The following DSG2 variants were observed in gnomAD, a reference collection of about 807,000 sequenced individuals.
DSG2 encodes desmoglein-2.
In DSG2, 45 loss-of-function variants were observed where a neutral mutation model predicts 75.6. The ratio of observed to expected loss-of-function variants is 0.60; its 90% CI spans 0.47 to 0.76. The LOEUF (loss-of-function observed/expected upper bound fraction) is 0.76, where lower values mean the gene tolerates loss of function less well. Ranked by LOEUF, DSG2 falls within the 30% of genes least tolerant of loss-of-function variation. The pLI is 0.00. For missense variants in DSG2, 1,267 were observed against 1,357.4 expected (o/e 0.93, Z 1.05); for synonymous variants, 429 against 483.9 (o/e 0.89, Z 1.49).
intron 12 of DSG2, among the ~76,000 whole-genome samples, chr18:31,539,940 A>G (rs917590620): frequency 1.3e-5 from 2 of 152,062 alleles, no homozygotes; most frequent in Admixed American, 1.3e-4. Context: ...TGAACTACTC[A>G]TGCCAAGAGA....
At chr18:31,533,871 A>G (rs2073212214) in intron 9 of DSG2, among the ~76,000 whole-genome samples, 2 of 152,246 alleles carry the variant, frequency 1.3e-5, no homozygotes, top group Non-Finnish European at 2.9e-5. Flanking sequence ...GCCACTTAAT[A>G]GAAAATAAAT....
chr18:31,529,340 T>A (rs896967811), intron 8 of DSG2, among the ~76,000 whole-genome samples: 1 of 152,198 alleles, frequency 6.6e-6, no homozygotes, highest in African/African-American at 2.4e-5. Flanking sequence ...TTATTTATTT[T>A]TTCATGGTCT....
At chr18:31,529,290 T>C (rs2073180682) in intron 8 of DSG2, among the ~76,000 whole-genome samples, 1 of 152,216 alleles carries the variant, frequency 6.6e-6, no homozygotes, top group Admixed American at 6.5e-5. Flanking sequence ...TGACTAACAC[T>C]ATGAAACACT....
intron 1 of DSG2, among the ~76,000 whole-genome samples, chr18:31,500,386 A>G (rs1350991778): frequency 1.3e-5 from 2 of 152,204 alleles, no homozygotes; most frequent in African/African-American, 4.8e-5. Flanking sequence ...TCAGGGTGCT[A>G]CTTTTGCTAC....
intron 8 of DSG2, 139 bp from the exon 9 acceptor site, chr18:31,530,848 A>T: frequency 1.3e-6 from 1 of 760,594 alleles, no homozygotes; most frequent in East Asian, 2.7e-5. Flanking sequence ...TCAGTATAAG[A>T]GTTGGACTAT....
intron 8 of DSG2, among the ~76,000 whole-genome samples, chr18:31,528,497 A>C (rs2073175862): frequency 6.6e-6 from 1 of 152,094 alleles, no homozygotes; most frequent in Non-Finnish European, 1.5e-5. Flanking sequence ...GGATCACCTG[A>C]GCTCAGGAGT....
At position 31,522,529 on chromosome 18, in the gene DSG2, C is replaced by A; in HGVS notation, c.690+280C>A. ...TTAATATGAAAAATGCAAAATATGA[C>A]CTTAATGTTTTTTGTGATCATTGCA... On this transcript the variant is annotated intron_variant, in intron 6 of 14. Coordinates refer to ENST00000261590, the MANE Select transcript of DSG2 (RefSeq NM_001943.5). The A allele has an allele frequency of 7.8e-6, 2 of 255,528 alleles. 1 individual carries two copies. The highest frequency in any genetic ancestry group is 1.5e-5 in the Non-Finnish European group (2 of 131,524). The allele number at this position is 255,528 out of a possible 1,614,324, so 15.8% of individuals were successfully genotyped here. A position where few individuals can be genotyped will look rare whatever the true frequency, so the allele number is the denominator to read the frequency against.
At chr18:31,506,264 TCA>T (rs1268252907) in intron 1 of DSG2, among the ~76,000 whole-genome samples, 1 of 152,290 alleles carries the variant, frequency 6.6e-6, no homozygotes, top group East Asian at 1.9e-4. Context: ...CAGTGAGTCA[TCA>T]ATAAGGTCCG....
At chr18:31,504,399 G>A (rs1568100325) in intron 1 of DSG2, among the ~76,000 whole-genome samples, 1 of 152,186 alleles carries the variant, frequency 6.6e-6, no homozygotes. Context: ...CTGGGCAAGG[G>A]TCCTAGCTCA....
intron 13 of DSG2, 32 bp from the exon 14 acceptor site, chr18:31,542,488 G>T: frequency 1.2e-6 from 2 of 1,610,716 alleles, no homozygotes; most frequent in South Asian, 2.2e-5. Flanking sequence ...CCATCCTCCT[G>T]ACTCAGTTCT....
chr18:31,506,362 C>T (rs922216376), intron 1 of DSG2, among the ~76,000 whole-genome samples: 1 of 152,184 alleles, frequency 6.6e-6, no homozygotes, highest in African/African-American at 2.4e-5. Context: ...TTAAGATTTA[C>T]CTCATTTCAG....
Position 31,546,046 on chromosome 18 carries a change from G to A in DSG2, c.2660G>A (p.Ser887Asn). ...NSENTYSSGS[S>N]FPVPKSLQEA... is the part of the protein sequence containing the mutation. ...GAGAATACCTACTCCTCTGGCAGTA[G>A]CTTCCCAGTTCCAAAATCTTTGCAA... is the stretch of plus-strand genomic sequence containing the variant. Residue 887 changes from serine (S) to asparagine (N), a missense_variant, in exon 15 of 15, where the codon AGC becomes AAC. By Grantham distance (46) the Ser-to-Asn change is conservative. Coordinates refer to ENST00000261590, the MANE Select transcript of DSG2 (RefSeq NM_001943.5). 1 of 1,614,188 alleles carries A rather than the reference G, an allele frequency of 6.2e-7. No homozygotes were observed.
intron 1 of DSG2, among the ~76,000 whole-genome samples, chr18:31,504,922 CCTACTT>C (rs1176676997): frequency 3.3e-5 from 5 of 152,176 alleles, no homozygotes; most frequent in African/African-American, 9.7e-5. Flanking sequence ...CATAAAGACT[CCTACTT>C]CTACCTGTCT....
intron 11 of DSG2, among the ~76,000 whole-genome samples, chr18:31,536,956 C>G (rs370741637): frequency 8.5e-5 from 13 of 152,172 alleles, no homozygotes; most frequent in African/African-American, 3.1e-4. Context: ...ATCTGATTCC[C>G]CCCTTCCCCA....
chr18:31,517,281 G>A (rs1281586970), intron 1 of DSG2, among the ~76,000 whole-genome samples: 1 of 152,150 alleles, frequency 6.6e-6, no homozygotes, highest in Admixed American at 6.5e-5. Flanking sequence ...GTGGGGAGGT[G>A]GGGGAAGAAA....
At chr18:31,517,889 T>C (rs1360571004) in intron 1 of DSG2, among the ~76,000 whole-genome samples, 1 of 152,076 alleles carries the variant, frequency 6.6e-6, no homozygotes, top group Non-Finnish European at 1.5e-5. Context: ...ACTGGTGGCC[T>C]CGAGGAAAAG....
chr18:31,513,160 T>A (rs1173198589), intron 1 of DSG2, among the ~76,000 whole-genome samples: 3 of 152,218 alleles, frequency 2.0e-5, no homozygotes, highest in Non-Finnish European at 4.4e-5. Context: ...AAAAGAATGT[T>A]GAATATCAAT....
chr18:31,542,915 T>C, intron 14 of DSG2, 63 bp downstream of exon 14: 1 of 1,009,588 alleles, frequency 9.9e-7, no homozygotes, highest in Non-Finnish European at 1.4e-6. Flanking sequence ...GTGAATGTGA[T>C]ATTATTAGGG....
At chr18:31,538,634 A>G in intron 11 of DSG2, 117 bp from the exon 12 acceptor site, 3 of 882,750 alleles carry the variant, frequency 3.4e-6, no homozygotes, top group Non-Finnish European at 5.6e-6. Context: ...AAGGAAGAAC[A>G]AAGTACCTAA....
Sources: allele counts gnomAD v4.1 joint callset (sites outside exome capture counted in the v4.1 genomes callset), GRCh38; gene constraint gnomAD v4.1.1; transcripts MANE v1.5; gene names NCBI Gene and HGNC (gene_info 2026-07-23, HGNC 2026-07-21).